MTERF4: variants seen among roughly 807,000 people sequenced by gnomAD.
MTERF4 encodes mitochondrial transcription termination factor 4, also known as transcription termination factor 4, mitochondrial.
MTERF4 carries 17 observed loss-of-function variants against 22.5 expected under a neutral mutation model. The ratio of observed to expected loss-of-function variants is 0.75; its 90% CI spans 0.52 to 1.13. The LOEUF (loss-of-function observed/expected upper bound fraction) is 1.13, where lower values mean the gene tolerates loss of function less well. Among genes scored for constraint, MTERF4 ranks in the 50% most tolerant of loss-of-function variants. The pLI, the probability that MTERF4 is intolerant of heterozygous loss-of-function variation, is 0.00. For synonymous variants in MTERF4, 165 were observed against 175.3 expected (o/e 0.94, Z 0.47); for missense variants, 420 against 466.8 (o/e 0.90, Z 0.92).
the MTERF4 span, among the ~76,000 whole-genome samples, chr2:241,060,098 A>G: frequency 6.6e-6 from 1 of 152,350 alleles, no homozygotes; most frequent in Middle Eastern, 3.4e-3. Flanking sequence ...TTGAAATGAA[A>G]GTGTTACATT....
chr2:241,090,430 A>G (rs1413785680), downstream of MTERF4: 3 of 1,546,976 alleles, frequency 1.9e-6, no homozygotes, highest in Admixed American at 2.0e-5. Flanking sequence ...ACTTTTTTTC[A>G]TAAGTAGAAG....
At chr2:241,052,354 G>GC in the MTERF4 span, 1 of 1,570,636 alleles carries the variant, frequency 6.4e-7, no homozygotes. Flanking sequence ...CATTCTGGCA[G>GC]CCCCCTCCCC....
intron 4 of MTERF4, among the ~76,000 whole-genome samples, chr2:241,079,246 A>C (rs2063205453): frequency 6.6e-6 from 1 of 150,794 alleles, no homozygotes; most frequent in Admixed American, 6.6e-5. Flanking sequence ...CCCCATCTCT[A>C]CTAAAAATAC....
chr2:241,067,102 T>G, the MTERF4 span, among the ~76,000 whole-genome samples: 1 of 152,190 alleles, frequency 6.6e-6, no homozygotes, highest in African/African-American at 2.4e-5. Flanking sequence ...GGAAGGTATC[T>G]GGAGTGAAGA....
Position 241,096,050 on chromosome 2 carries a change from TC to T in MTERF4, c.1093del (p.Asp365ThrfsTer46), listed in dbSNP as rs2064393110. On this transcript the variant is annotated frameshift_variant, in exon 4 of 4. Coordinates refer to ENST00000391980, the MANE Select transcript of MTERF4 (RefSeq NM_182501.4). LOFTEE classifies it high-confidence loss of function. This position sits in a 1 kb window ranked among gnomAD's most constrained non-coding sequence, Gnocchi z 5.1. ...CTCATCATTGTCCTCCGCCTCGTCG[TC>T]GTCCTCATCATCGTCATCCTCATCA... ...DNDEDDDDED[D>X]DEAEDNDEDE... The T allele has an allele frequency of 6.2e-7, 1 of 1,613,822 alleles. No homozygotes were observed. Among genetic ancestry groups the T allele is most frequent in the African/African-American group, 1.3e-5 (1 of 74,844 alleles).
intron 4 of MTERF4, among the ~76,000 whole-genome samples, chr2:241,077,704 T>G (rs2125279231): frequency 6.6e-6 from 1 of 152,304 alleles, no homozygotes. Context: ...AAAAGACATT[T>G]CTGCAAGGAA....
At chr2:241,074,357 T>C (rs2062911496) in exon 5 of MTERF4, 2 of 152,132 alleles carry the variant, frequency 1.3e-5, no homozygotes, top group Non-Finnish European at 2.9e-5. Context: ...GAGGACTGGT[T>C]TGTGCATCCG....
chr2:241,084,481 T>A (rs56237915), downstream of MTERF4, among the ~76,000 whole-genome samples: 3 of 152,072 alleles, frequency 2.0e-5, no homozygotes, highest in African/African-American at 7.2e-5. Flanking sequence ...ACCATACACA[T>A]CTTCAACTTC....
chr2:241,074,384 A>C (rs2125260512), exon 5 of MTERF4: 1 of 152,168 alleles, frequency 6.6e-6, no homozygotes, highest in South Asian at 2.1e-4. Context: ...AGAGTGAAGG[A>C]TTCTCTTAAT....
chr2:241,043,142 A>G, the MTERF4 span, among the ~76,000 whole-genome samples: 1 of 152,264 alleles, frequency 6.6e-6, no homozygotes, highest in Admixed American at 6.5e-5. Flanking sequence ...ATAATACCCA[A>G]ACATTTTCCA....
At position 241,096,586 on chromosome 2, in the gene MTERF4, T is replaced by G. The variant is rs1321934203; in HGVS notation, c.706-148A>C. 1.2e-6 allele frequency: 1 copy of G among 842,816 alleles called. No homozygotes were observed. The highest frequency in any genetic ancestry group is 2.0e-6 in the Non-Finnish European group (1 of 497,166). 52.2% of individuals were successfully genotyped at this position (842,816 alleles called of 1,614,324 possible). A position where few individuals can be genotyped will look rare whatever the true frequency, so the allele number is the denominator to read the frequency against. On this transcript the variant is annotated intron_variant, in intron 3 of 3. Transcript: ENST00000391980. The surrounding 1 kb of genome is among the most constrained non-coding windows in gnomAD (Gnocchi z 5.1). ...GAATACCCAGTCTAGGATACTGACA[T>G]TTGTGTGACAGCCAGCAGTTTCAAA...
At chr2:241,062,946 C>T in the MTERF4 span, 1 of 1,317,206 alleles carries the variant, frequency 7.6e-7, no homozygotes, top group Non-Finnish European at 1.0e-6. Flanking sequence ...AGCTGCAGCA[C>T]ACTGGCCATG....
the MTERF4 span, among the ~76,000 whole-genome samples, chr2:241,065,855 G>C: frequency 6.6e-6 from 1 of 152,146 alleles, no homozygotes; most frequent in Non-Finnish European, 1.5e-5. Flanking sequence ...ACAACCCCCA[G>C]GCATGGAGCT....
downstream of MTERF4, chr2:241,090,592 C>T (rs1260861237): frequency 2.1e-6 from 2 of 974,696 alleles, no homozygotes; most frequent in Non-Finnish European, 2.7e-6. Context: ...ACCAGCATCA[C>T]CACAAACACA....
At chr2:241,052,582 C>G in the MTERF4 span, 2 of 788,906 alleles carry the variant, frequency 2.5e-6, no homozygotes, top group Non-Finnish European at 2.1e-6. Flanking sequence ...GGTGAGAGGG[C>G]CAGGGGGCCA....
chr2:241,057,380 A>AATATATAT, the MTERF4 span, among the ~76,000 whole-genome samples: 938 of 118,050 alleles, frequency 7.9e-3, 20 homozygotes, highest in African/African-American at 0.018. Context: ...TCCATCTCAA[A>AATATATAT]ATATATATAT....
the MTERF4 span, among the ~76,000 whole-genome samples, chr2:241,064,478 A>G: frequency 6.6e-6 from 1 of 152,052 alleles, no homozygotes; most frequent in Non-Finnish European, 1.5e-5. The surrounding 1 kb of genome is among the most constrained non-coding windows in gnomAD (Gnocchi z 7.0). Context: ...CTGTCCTTCC[A>G]TCTGGAACAT....
intron 4 of MTERF4, among the ~76,000 whole-genome samples, chr2:241,080,077 G>A (rs967997528): frequency 9.9e-5 from 15 of 152,162 alleles, no homozygotes; most frequent in Non-Finnish European, 5.9e-5. Context: ...TTGAGGTCAG[G>A]AGTTTGAATC....
At chr2:241,052,733 C>G in the MTERF4 span, among the ~76,000 whole-genome samples, 86 of 63,452 alleles carry the variant, frequency 1.4e-3, 3 homozygotes, top group East Asian at 0.016. Context: ...ATACCAGTGC[C>G]AGGCAGGTGA....
Sources: allele counts gnomAD v4.1 joint callset (sites outside exome capture counted in the v4.1 genomes callset), GRCh38; gene constraint gnomAD v4.1.1; non-coding constraint Gnocchi (gnomAD v3.1); transcripts MANE v1.5; gene names NCBI Gene and HGNC (gene_info 2026-07-23, HGNC 2026-07-21).